The following USH2A variants were observed in gnomAD, a reference collection of about 807,000 sequenced individuals.
USH2A encodes usherin.
A neutral mutation model predicts 538.9 loss-of-function variants in USH2A; 443 were observed. The ratio of observed to expected loss-of-function variants is 0.82; its 90% CI spans 0.76 to 0.89. USH2A has a LOEUF of 0.89. Among genes scored for constraint, USH2A ranks in the 40% least tolerant of loss-of-function variants. The pLI is 0.00. For missense variants in USH2A, 6,633 were observed against 6,324.8 expected, an observed-to-expected ratio of 1.05 and a Z score of -1.65; for synonymous variants, 2,413 against 2,273.5, an observed-to-expected ratio of 1.06 and a Z score of -1.75.
intron 16 of USH2A, among the ~76,000 whole-genome samples, chr1:216,203,122 A>G (rs550982747): frequency 4.9e-4 from 75 of 152,276 alleles, no homozygotes; most frequent in African/African-American, 1.8e-3. Flanking sequence ...AGGAAAGAAT[A>G]TAGTAGTCCC....
intron 40 of USH2A, among the ~76,000 whole-genome samples, chr1:215,894,181 G>T (rs796077148): frequency 1.3e-5 from 2 of 152,096 alleles, no homozygotes; most frequent in South Asian, 4.1e-4. Context: ...TAGTTGTGTA[G>T]CACTACTGAA....
intron 9 of USH2A, among the ~76,000 whole-genome samples, chr1:216,293,086 A>T (rs931835767): frequency 2.1e-5 from 3 of 141,548 alleles, no homozygotes; most frequent in African/African-American, 8.1e-5. Flanking sequence ...GTGCAGTGGC[A>T]TGATCTCTGC....
At chr1:215,935,420 A>G (rs1666468538) in intron 37 of USH2A, among the ~76,000 whole-genome samples, 1 of 151,994 alleles carries the variant, frequency 6.6e-6, no homozygotes, top group Admixed American at 6.6e-5. Flanking sequence ...CTATATGTCC[A>G]CTTTGATCAG....
intron 32 of USH2A, among the ~76,000 whole-genome samples, chr1:216,039,227 GA>G (rs1322790140): frequency 6.6e-6 from 1 of 151,956 alleles, no homozygotes; most frequent in Non-Finnish European, 1.5e-5. Context: ...CTGGTATATA[GA>G]ACAACCTTGA....
chr1:215,785,296 A>G (rs972221465), intron 52 of USH2A, among the ~76,000 whole-genome samples: 5 of 152,188 alleles, frequency 3.3e-5, no homozygotes, highest in Non-Finnish European at 7.3e-5. Context: ...GAGTAGGATG[A>G]TAAAGGAGGA....
intron 49 of USH2A, among the ~76,000 whole-genome samples, chr1:215,807,692 C>T (rs749413401): frequency 2.2e-4 from 33 of 151,968 alleles, no homozygotes; most frequent in Admixed American, 2.2e-3. Flanking sequence ...AACAAGGATC[C>T]TTTGTTTCAT....
intron 32 of USH2A, among the ~76,000 whole-genome samples, chr1:216,038,241 A>G (rs1016322800): frequency 2.0e-4 from 30 of 152,062 alleles, no homozygotes; most frequent in African/African-American, 7.2e-4. Context: ...TTTGTAAAAC[A>G]TCAATGATTT....
intron 21 of USH2A, among the ~76,000 whole-genome samples, chr1:216,168,893 C>T (rs1209045740): frequency 6.6e-6 from 1 of 152,058 alleles, no homozygotes; most frequent in East Asian, 1.9e-4. Flanking sequence ...TCCGACCCAA[C>T]CAATCAGCAC....
At position 215,675,010 on chromosome 1, in the gene USH2A, G is replaced by A. The variant is rs1223847091; in HGVS notation, c.12901C>T (p.Gln4301Ter). The change falls in exon 63 of 72, where the codon CAA (glutamine) becomes TAA (stop). Residue 4301 changes from glutamine to a stop codon, truncating the protein, a stop_gained. Coordinates refer to ENST00000307340, the MANE Select transcript of USH2A (RefSeq NM_206933.4). LOFTEE classifies it high-confidence loss of function. ...AAAGGATAGAGCATTTCATTCCTTTGAAGCCTATAGGACTGGATAATACCA... is the reference window on the plus strand; with the variant it reads ...AAAGGATAGAGCATTTCATTCCTTTAAAGCCTATAGGACTGGATAATACCA... ...SNGIIQSYRL[Q>*]RNEMLYPFSF... The A allele has an allele frequency of 1.2e-6, 2 of 1,614,188 alleles. No homozygotes were observed. The highest frequency in any genetic ancestry group is 1.7e-6 in the Non-Finnish European group (2 of 1,180,026).
intron 62 of USH2A, among the ~76,000 whole-genome samples, chr1:215,676,548 C>A (rs1239441074): frequency 1.3e-5 from 2 of 152,158 alleles, no homozygotes; most frequent in African/African-American, 4.8e-5. Flanking sequence ...TTGAAACATT[C>A]CCAGAAGTGG....
At chr1:215,728,582 G>GACACATAC (rs1553256607) in intron 60 of USH2A, among the ~76,000 whole-genome samples, 198 bp from the exon 61 acceptor site, 11 of 148,486 alleles carry the variant, frequency 7.4e-5, no homozygotes, top group Non-Finnish European at 1.3e-4. Context: ...AAGTGTAGTT[G>GACACATAC]ACACACACAC....
chr1:216,089,179 A>C (rs760922072), intron 22 of USH2A, 40 bp from the exon 23 acceptor site: 1 of 1,590,098 alleles, frequency 6.3e-7, no homozygotes, highest in Non-Finnish European at 8.6e-7. Context: ...TTATACATGC[A>C]TATCTACAAA....
intron 21 of USH2A, among the ~76,000 whole-genome samples, chr1:216,154,203 AAAG>A (rs1417332953): frequency 1.3e-5 from 2 of 152,212 alleles, no homozygotes; most frequent in African/African-American, 2.4e-5. Flanking sequence ...AATGAGATCA[AAAG>A]AAACCCTATT....
chr1:216,335,233 T>A (rs1050334655), intron 4 of USH2A, among the ~76,000 whole-genome samples: 1 of 151,654 alleles, frequency 6.6e-6, no homozygotes, highest in Non-Finnish European at 1.5e-5. Flanking sequence ...GATTTAAAAA[T>A]CCTTTGAGAT....
chr1:215,944,883 G>A (rs1666720367), intron 37 of USH2A, among the ~76,000 whole-genome samples: 1 of 152,094 alleles, frequency 6.6e-6, no homozygotes, highest in Non-Finnish European at 1.5e-5. Context: ...GTGAAAATTA[G>A]TAAATGGCTA....
At chr1:216,226,322 T>A (rs2035560300) in intron 14 of USH2A, among the ~76,000 whole-genome samples, 1 of 152,212 alleles carries the variant, frequency 6.6e-6, no homozygotes, top group Non-Finnish European at 1.5e-5. Context: ...CAAATTCAAT[T>A]CAGAAAATAG....
chr1:215,766,864 G>T, intron 55 of USH2A, 76 bp from the exon 56 acceptor site: 2 of 1,354,082 alleles, frequency 1.5e-6, no homozygotes, highest in Non-Finnish European at 2.1e-6. Context: ...GAAGTAACAT[G>T]CAGAGTTGTA....
chr1:216,253,236 T>C (rs1052698685), intron 11 of USH2A, among the ~76,000 whole-genome samples: 9 of 151,478 alleles, frequency 5.9e-5, no homozygotes, highest in African/African-American at 2.2e-4. Context: ...TGGAGTACAA[T>C]GGTGCGATCT....
At position 216,027,239 on chromosome 1, in the gene USH2A, T is replaced by A. The variant is rs546200429; in HGVS notation, c.6325+19192A>T. Among the ~76,000 whole-genome samples the A allele has an allele frequency of 4.6e-5, 7 of 151,922 alleles. No homozygotes were observed. The East Asian group carries it at 1.4e-3, about 30-fold the overall frequency. On this transcript the variant is annotated intron_variant, in intron 32 of 71. Transcript: ENST00000307340. The stretch of plus-strand genomic sequence containing the variant: ...CAGATGCCCTTATAAGAAGAGAAAA[T>A]TTGGATGGGAATAAAGACACCAGGG...
Sources: allele counts gnomAD v4.1 joint callset (sites outside exome capture counted in the v4.1 genomes callset), GRCh38; gene constraint gnomAD v4.1.1; transcripts MANE v1.5; gene names NCBI Gene and HGNC (gene_info 2026-07-23, HGNC 2026-07-21).